The following TCL1A variants were observed in gnomAD, a reference collection of about 807,000 sequenced individuals.
TCL1A encodes the protein T-cell leukemia/lymphoma protein 1A.
In TCL1A, 9 loss-of-function variants were observed where a neutral mutation model predicts 16.9. That is an observed-to-expected ratio of 0.53 (90% confidence interval 0.32 to 0.93). The LOEUF (loss-of-function observed/expected upper bound fraction) is 0.93, where lower values mean the gene tolerates loss of function less well. Among genes scored for constraint, TCL1A ranks in the 40% least tolerant of loss-of-function variants. The pLI is 0.04. For synonymous variants in TCL1A, 69 were observed against 63.2 expected, an observed-to-expected ratio of 1.09 and a Z score of -0.44; for missense variants, 139 against 153.0, an observed-to-expected ratio of 0.91 and a Z score of 0.48.
Position 95,713,808 on chromosome 14 carries a change from C to T in TCL1A, c.120+139G>A, listed in dbSNP as rs1320541148. The T allele has an allele frequency of 1.3e-5, 17 of 1,344,656 alleles. No homozygotes were observed. The African/African-American group carries it at 1.6e-4, about 13-fold the overall frequency. The allele number at this position is 1,344,656 out of a possible 1,614,324, so 83.3% of individuals were successfully genotyped here. A position where few individuals can be genotyped will look rare whatever the true frequency, so the allele number is the denominator to read the frequency against. ...GAACTCCTATTCATCCTCCAGAGCC[C>T]GGCTCAAAGTGGCTTCATCTGTGGG... On this transcript the variant is annotated intron_variant, in intron 1 of 3. Transcript: ENST00000402399.
At chr14:95,713,704 G>A (rs1005288414) in intron 1 of TCL1A, among the ~76,000 whole-genome samples, 2 of 152,292 alleles carry the variant, frequency 1.3e-5, no homozygotes, top group African/African-American at 2.4e-5. Flanking sequence ...CAACATTATA[G>A]TCACACTCCA....
chr14:95,712,790 AAAAC>A, intron 1 of TCL1A: 2 of 753,904 alleles, frequency 2.7e-6, no homozygotes, highest in African/African-American at 1.9e-5. Context: ...GGAAAAAAAA[AAAAC>A]AACAAAGAAA....
chr14:95,712,026 G>A, intron 2 of TCL1A, 194 bp downstream of exon 2: 4 of 868,368 alleles, frequency 4.6e-6, no homozygotes, highest in Admixed American at 2.5e-5. Flanking sequence ...GGAAGTGGAG[G>A]TAGGGTTCTG....
At chr14:95,712,781 G>GAAAA in intron 1 of TCL1A, 1 of 587,986 alleles carries the variant, frequency 1.7e-6, no homozygotes, top group South Asian at 2.1e-5. Flanking sequence ...GTATCTACAG[G>GAAAA]AAAAAAAAAA....
At chr14:95,712,445 G>A in intron 1 of TCL1A, 49 bp from the exon 2 acceptor site, 1 of 1,548,458 alleles carries the variant, frequency 6.5e-7, no homozygotes, top group Non-Finnish European at 8.7e-7. Context: ...CGCTTGCCAG[G>A]GCTTCTCCAG....
At chr14:95,712,780 G>GT in intron 1 of TCL1A, 1 of 775,560 alleles carries the variant, frequency 1.3e-6, no homozygotes, top group Non-Finnish European at 1.8e-6. Context: ...TGTATCTACA[G>GT]GAAAAAAAAA....
chr14:95,712,099 A>C, intron 2 of TCL1A, 121 bp downstream of exon 2: 2 of 1,268,866 alleles, frequency 1.6e-6, no homozygotes, highest in Non-Finnish European at 2.3e-6. Flanking sequence ...GCACTTGTAC[A>C]TTTCCCCCAT....
intron 1 of TCL1A, 108 bp downstream of exon 1, chr14:95,713,839 T>G: frequency 6.6e-7 from 1 of 1,522,040 alleles, no homozygotes; most frequent in Non-Finnish European, 8.8e-7. Flanking sequence ...GTGGGGATCC[T>G]CCCTGCCCCA....
intron 2 of TCL1A, 35 bp from the exon 3 acceptor site, chr14:95,711,837 G>A: frequency 6.2e-7 from 1 of 1,601,682 alleles, no homozygotes; most frequent in Non-Finnish European, 8.5e-7. Flanking sequence ...GCATTGATCG[G>A]CCAGAGCCCT....
intron 1 of TCL1A, chr14:95,712,898 C>G (rs958835472): frequency 1.3e-5 from 3 of 233,124 alleles, no homozygotes; most frequent in Non-Finnish European, 2.6e-5. Context: ...GAGCATGTAT[C>G]ATGATTTTAT....
At chr14:95,713,796 T>A in intron 1 of TCL1A, 151 bp downstream of exon 1, 4 of 1,259,768 alleles carry the variant, frequency 3.2e-6, no homozygotes, top group Non-Finnish European at 4.3e-6. Flanking sequence ...CTCCTATTCA[T>A]CCTCCAGAGC....
chr14:95,712,353 T>A lies in TCL1A; in HGVS notation c.164A>T (p.Asp55Val). 2 of 1,613,648 alleles carry A rather than the reference T, an allele frequency of 1.2e-6. No homozygotes were observed. Among genetic ancestry groups the A allele is most frequent in the Non-Finnish European group, 1.7e-6 (2 of 1,179,650 alleles). Residue 55 changes from aspartate to valine, a missense_variant, in exon 2 of 4, where the codon GAC becomes GTC. Around this residue, in one of 2 missense-constraint regions of TCL1A, gnomAD observed 94 missense variants for 80.2 expected, o/e 1.17. Transcript: ENST00000402399. ...LQLRVLLRREDVVLGRPMTPT... is the reference protein window; with the variant it reads ...LQLRVLLRREVVVLGRPMTPT... ...GGTCATAGGCCTCCCCAGGACGACG[T>A]CTTCCCGACGCAAGAGCACCCGTAA...
rs773793274 is a variant in TCL1A, at chr14:95,714,048, G to T, written c.19C>A (p.Leu7Ile). The T allele has an allele frequency of 6.2e-7, 1 of 1,614,002 alleles. No homozygotes were observed. The highest frequency in any genetic ancestry group is 1.3e-5 in the African/African-American group (1 of 75,078). Residue 7 changes from leucine (L) to isoleucine (I), a missense_variant, in exon 1 of 4, where the codon CTC becomes ATC. Transcript: ENST00000402399. ...GGGTGGTCGGTGACTGCCTCCCCGA[G>T]TGTCGGGCACTCGGCCATGGCGTCC... MAECPT[L>I]GEAVTDHPDR...
At chr14:95,713,504 A>C (rs537234016) in intron 1 of TCL1A, among the ~76,000 whole-genome samples, 1 of 152,302 alleles carries the variant, frequency 6.6e-6, no homozygotes, top group African/African-American at 2.4e-5. Flanking sequence ...GGTAGTGGAA[A>C]ATACTTCACA....
chr14:95,712,407 G>C lies in TCL1A; in HGVS notation c.121-11C>G, dbSNP rs191912954. On this transcript the variant is annotated splice_polypyrimidine_tract_variant and intron_variant, in intron 1 of 3. Coordinates refer to ENST00000402399, the MANE Select transcript of TCL1A (RefSeq NM_021966.3). ...TAACCTATCCTTTATCTGAGGAGAAGAAAAGGACAGGGCATACTTTCAGGT... is the reference window on the plus strand; with the variant it reads ...TAACCTATCCTTTATCTGAGGAGAACAAAAGGACAGGGCATACTTTCAGGT... 6.3e-7 allele frequency: 1 copy of C among 1,592,204 alleles called. No homozygotes were observed. Among genetic ancestry groups the C allele is most frequent in the South Asian group, 1.1e-5 (1 of 88,978 alleles).
chr14:95,711,641 T>G (rs1886356131), intron 3 of TCL1A, 108 bp downstream of exon 3: 1 of 1,302,062 alleles, frequency 7.7e-7, no homozygotes, highest in African/African-American at 1.4e-5. Context: ...GACCCTCAGA[T>G]GGCAGCAGTC....
At position 95,710,865 on chromosome 14, in the gene TCL1A, A is replaced by G; in HGVS notation, c.*23T>C. On this transcript the variant is annotated 3_prime_UTR_variant, in exon 4 of 4. Coordinates refer to ENST00000402399, the MANE Select transcript of TCL1A (RefSeq NM_021966.3). Reference sequence around the variant, plus strand: ...GGCTCAGGCCCTGGGGTGAAAGGAGACAGGTGCTGCCAAGACCTGGAGAAG... The same window carrying G: ...GGCTCAGGCCCTGGGGTGAAAGGAGGCAGGTGCTGCCAAGACCTGGAGAAG... 6.5e-6 allele frequency: 1 copy of G among 152,930 alleles called. No homozygotes were observed. The allele number at this position is 152,930 out of a possible 1,614,324, so 9.5% of individuals were successfully genotyped here.
intron 1 of TCL1A, chr14:95,712,602 C>T (rs1886389168): frequency 4.0e-6 from 6 of 1,487,272 alleles, no homozygotes; most frequent in Admixed American, 2.1e-5. Context: ...GCCAGGACCA[C>T]CAGCACACAC....
intron 1 of TCL1A, among the ~76,000 whole-genome samples, chr14:95,713,449 A>G (rs1886435577): frequency 1.3e-5 from 2 of 152,336 alleles, no homozygotes; most frequent in South Asian, 2.1e-4. Context: ...CGGCGCTTAT[A>G]CTACGACATC....
Sources: allele counts gnomAD v4.1 joint callset (sites outside exome capture counted in the v4.1 genomes callset), GRCh38; gene constraint gnomAD v4.1.1; regional missense constraint gnomAD v4.1.1; transcripts MANE v1.5; gene names NCBI Gene and HGNC (gene_info 2026-07-23, HGNC 2026-07-21).